The following AFAP1L2 variants were observed in gnomAD, a reference collection of about 807,000 sequenced individuals.
AFAP1L2 encodes the protein actin filament-associated protein 1-like 2.
A neutral mutation model predicts 99.3 loss-of-function variants in AFAP1L2; 46 were observed. That is an observed-to-expected ratio of 0.46 (90% confidence interval 0.37 to 0.59). The LOEUF (loss-of-function observed/expected upper bound fraction) is 0.59. Ranked by LOEUF, AFAP1L2 falls within the 20% of genes least tolerant of loss-of-function variation. AFAP1L2 has a pLI of 0.00. For missense variants in AFAP1L2, 959 were observed against 1,034.9 expected, an observed-to-expected ratio of 0.93 and a Z score of 1.01; for synonymous variants, 397 against 419.1, an observed-to-expected ratio of 0.95 and a Z score of 0.64.
intron 16 of AFAP1L2, among the ~76,000 whole-genome samples, chr10:114,297,785 G>C (rs1478923187): frequency 6.6e-6 from 1 of 152,098 alleles, no homozygotes; most frequent in Non-Finnish European, 1.5e-5. Flanking sequence ...GCCCTACCAA[G>C]TTCCCTCAAT....
chr10:114,316,924 A>T (rs928466818), intron 5 of AFAP1L2, among the ~76,000 whole-genome samples: 2 of 152,196 alleles, frequency 1.3e-5, no homozygotes, highest in Admixed American at 1.3e-4. Context: ...GGATACTCCC[A>T]TTCCCGGCAG....
At chr10:114,352,895 T>C (rs1235668063) in intron 1 of AFAP1L2, among the ~76,000 whole-genome samples, 1 of 152,250 alleles carries the variant, frequency 6.6e-6, no homozygotes, top group African/African-American at 2.4e-5. Flanking sequence ...GAATAATCCA[T>C]GACTGTGTAC....
At chr10:114,374,685 G>T (rs1373230939) in intron 1 of AFAP1L2, among the ~76,000 whole-genome samples, 1 of 151,902 alleles carries the variant, frequency 6.6e-6, no homozygotes, top group Non-Finnish European at 1.5e-5. Context: ...AAAAAAAAAT[G>T]CAGCTGTTTC....
chr10:114,404,955 C>A (rs943243451), upstream of AFAP1L2, among the ~76,000 whole-genome samples: 2 of 152,180 alleles, frequency 1.3e-5, no homozygotes, highest in African/African-American at 4.8e-5. Flanking sequence ...GAGCTCCTCG[C>A]GCTTGGCTCC....
At chr10:114,358,469 G>T (rs2051717723) in intron 1 of AFAP1L2, among the ~76,000 whole-genome samples, 2 of 152,102 alleles carry the variant, frequency 1.3e-5, no homozygotes, top group South Asian at 4.1e-4. Flanking sequence ...CTTGGCCAAA[G>T]TCACACAGCC....
At chr10:114,388,643 G>C (rs1021900530) in intron 1 of AFAP1L2, among the ~76,000 whole-genome samples, 1 of 152,138 alleles carries the variant, frequency 6.6e-6, no homozygotes, top group African/African-American at 2.4e-5. Context: ...GACAATGCTT[G>C]GCACAAAGTA....
At chr10:114,341,700 A>T (rs978514442) in intron 1 of AFAP1L2, among the ~76,000 whole-genome samples, 1 of 152,064 alleles carries the variant, frequency 6.6e-6, no homozygotes. Context: ...TGCAGACTGA[A>T]GCAGCCTCCC....
chr10:114,355,626 T>C (rs574030133), intron 1 of AFAP1L2, among the ~76,000 whole-genome samples: 1 of 152,262 alleles, frequency 6.6e-6, no homozygotes, highest in South Asian at 2.1e-4. Context: ...ATACATGTAG[T>C]AGAAAATATT....
At chr10:114,389,883 C>T (rs112117201) in intron 1 of AFAP1L2, among the ~76,000 whole-genome samples, 4 of 152,316 alleles carry the variant, frequency 2.6e-5, no homozygotes, top group African/African-American at 9.6e-5. Context: ...GTCTCCTCCC[C>T]ATCCTTTCAC....
intron 1 of AFAP1L2, among the ~76,000 whole-genome samples, chr10:114,378,877 A>G (rs1470056186): frequency 2.0e-5 from 3 of 152,058 alleles, no homozygotes; most frequent in Non-Finnish European, 2.9e-5. Context: ...CAAAATTGGG[A>G]TCTTCAAAAC....
At chr10:114,354,054 A>G (rs1392208737) in intron 1 of AFAP1L2, among the ~76,000 whole-genome samples, 1 of 152,160 alleles carries the variant, frequency 6.6e-6, no homozygotes, top group Non-Finnish European at 1.5e-5. Flanking sequence ...ATGGAGCACG[A>G]CCGCTGTGGA....
chr10:114,347,926 C>CT (rs1188778092), intron 1 of AFAP1L2, among the ~76,000 whole-genome samples: 5 of 152,172 alleles, frequency 3.3e-5, no homozygotes, highest in Admixed American at 3.3e-4. Flanking sequence ...AGTTCCAGAA[C>CT]TTTTTTTATT....
rs1035127900 is a variant in AFAP1L2, at chr10:114,345,980, C to T, written c.17-5249G>A. Reference sequence around the variant, plus strand: ...GAAAGCCATCAGACACCGTGGTGAACCAGGCAGCCATGGCACCTGCCCATC... The same window carrying T: ...GAAAGCCATCAGACACCGTGGTGAATCAGGCAGCCATGGCACCTGCCCATC... On this transcript the variant is annotated intron_variant, in intron 1 of 18. Transcript: ENST00000304129. Among the ~76,000 whole-genome samples, 8 of 152,264 alleles carry T rather than the reference C, an allele frequency of 5.3e-5. No homozygotes were observed. The East Asian group carries it at 1.5e-3, about 29-fold the overall frequency.
At chr10:114,391,238 T>C (rs1038365650) in intron 1 of AFAP1L2, among the ~76,000 whole-genome samples, 1 of 152,022 alleles carries the variant, frequency 6.6e-6, no homozygotes, top group South Asian at 2.1e-4. Context: ...TCTTTTTTTT[T>C]AGACAGAGTC....
chr10:114,361,257 T>G (rs1244283738), intron 1 of AFAP1L2, among the ~76,000 whole-genome samples: 1 of 151,980 alleles, frequency 6.6e-6, no homozygotes, highest in Non-Finnish European at 1.5e-5. Flanking sequence ...CCAAACCATA[T>G]CACCCCCACT....
At chr10:114,283,227 C>T in the AFAP1L2 span, among the ~76,000 whole-genome samples, 216 of 152,108 alleles carry the variant, frequency 1.4e-3, no homozygotes, top group Middle Eastern at 3.4e-3. Context: ...GCCTGTCTCC[C>T]GGAAGCAATG....
At chr10:114,331,989 G>A in intron 3 of AFAP1L2, 92 bp from the exon 4 acceptor site, 1 of 842,326 alleles carries the variant, frequency 1.2e-6, no homozygotes, top group Non-Finnish European at 1.6e-6. Flanking sequence ...CATGCACCCT[G>A]TGAGTTCTTT....
At chr10:114,338,354 T>C (rs969165165) in intron 2 of AFAP1L2, among the ~76,000 whole-genome samples, 8 of 152,206 alleles carry the variant, frequency 5.3e-5, no homozygotes, top group Non-Finnish European at 1.0e-4. Flanking sequence ...CCAAACAGCA[T>C]TTCCAGTTCT....
intron 1 of AFAP1L2, among the ~76,000 whole-genome samples, chr10:114,350,875 G>A (rs905410254): frequency 3.9e-5 from 6 of 152,166 alleles, no homozygotes; most frequent in East Asian, 1.9e-4. Context: ...AGGTTCCAGC[G>A]GCGACCAGGG....
Sources: gnomAD v4.1 joint callset for allele counts (sites outside exome capture counted in the v4.1 genomes callset) on GRCh38, gnomAD v4.1.1 for gene constraint, MANE v1.5 for transcripts, NCBI Gene and HGNC (gene_info 2026-07-23, HGNC 2026-07-21) for gene names.